SPATA17: variants seen among roughly 807,000 people sequenced by gnomAD.
The protein encoded by SPATA17 is spermatogenesis-associated protein 17.
A neutral mutation model predicts 62.2 loss-of-function variants in SPATA17; 53 were observed. The ratio of observed to expected loss-of-function variants is 0.85; its 90% CI spans 0.68 to 1.07. SPATA17 has a LOEUF of 1.07. SPATA17 is among the 50% of genes least tolerant of loss of function. The pLI is 0.00. For synonymous variants in SPATA17, 146 were observed against 146.8 expected (o/e 0.99, Z 0.04); for missense variants, 466 against 425.5 (o/e 1.10, Z -0.84).
chr1:217,699,917 G>T lies in SPATA17; in HGVS notation c.395+16556G>T, dbSNP rs542871461. Reference sequence around the variant, plus strand: ...TTGTTCTAGCACCATTCTTTGAAGAGGCTATCTTTCCTTCATTGAATTGCT... The same window carrying T: ...TTGTTCTAGCACCATTCTTTGAAGATGCTATCTTTCCTTCATTGAATTGCT... On this transcript the variant is annotated intron_variant, in intron 5 of 10. Coordinates refer to ENST00000366933, the MANE Select transcript of SPATA17 (RefSeq NM_138796.4). Among the ~76,000 whole-genome samples, 94 of 152,186 alleles carry T rather than the reference G, an allele frequency of 6.2e-4. 1 individual carries two copies. The highest frequency in any genetic ancestry group is 2.0e-3 in the African/African-American group (82 of 41,532).
chr1:217,790,338 T>C (rs1291261248), intron 8 of SPATA17, among the ~76,000 whole-genome samples: 5 of 152,242 alleles, frequency 3.3e-5, no homozygotes, highest in African/African-American at 9.6e-5. Context: ...TTGAAGGGAC[T>C]CGGGATTTTC....
chr1:217,706,359 C>A (rs796431550), intron 5 of SPATA17, among the ~76,000 whole-genome samples: 1 of 152,122 alleles, frequency 6.6e-6, no homozygotes, highest in South Asian at 2.1e-4. Flanking sequence ...GTGTCCACAC[C>A]CAAATCTTAT....
At chr1:217,737,087 A>G (rs1230823809) in intron 5 of SPATA17, among the ~76,000 whole-genome samples, 1 of 152,214 alleles carries the variant, frequency 6.6e-6, no homozygotes, top group Admixed American at 6.5e-5. Flanking sequence ...ACATGAGTAT[A>G]GTATTGTGGT....
chr1:217,859,450 C>T (rs931185807), intron 9 of SPATA17, among the ~76,000 whole-genome samples: 1 of 151,794 alleles, frequency 6.6e-6, no homozygotes, highest in Non-Finnish European at 1.5e-5. Context: ...CTCTGTCATC[C>T]ATCCTGGAGT....
At chr1:217,801,892 A>T (rs759405473) in intron 9 of SPATA17, 42 bp downstream of exon 9, 1 of 1,539,534 alleles carries the variant, frequency 6.5e-7, no homozygotes, top group East Asian at 2.3e-5. Context: ...CCTTTTTAAA[A>T]GCTAGAAATA....
At chr1:217,736,969 C>T (rs1405101433) in intron 5 of SPATA17, among the ~76,000 whole-genome samples, 1 of 152,100 alleles carries the variant, frequency 6.6e-6, no homozygotes, top group Admixed American at 6.6e-5. Context: ...TAAAACAGAG[C>T]AGCTTCTTCC....
chr1:217,843,031 T>C (rs1675446176), intron 9 of SPATA17, among the ~76,000 whole-genome samples: 1 of 152,072 alleles, frequency 6.6e-6, no homozygotes, highest in Admixed American at 6.6e-5. Flanking sequence ...ATTTCCCAGT[T>C]ATATTTTTAT....
chr1:217,667,697 T>C (rs1269573332), intron 3 of SPATA17, among the ~76,000 whole-genome samples: 1 of 152,210 alleles, frequency 6.6e-6, no homozygotes, highest in African/African-American at 2.4e-5. Flanking sequence ...ACCCAAACTC[T>C]TGGAAATATA....
chr1:217,834,777 T>C (rs1441526936), intron 9 of SPATA17, among the ~76,000 whole-genome samples: 1 of 152,074 alleles, frequency 6.6e-6, no homozygotes, highest in Non-Finnish European at 1.5e-5. Context: ...GTAGTCTAAG[T>C]GTACAGTGTT....
intron 8 of SPATA17, among the ~76,000 whole-genome samples, chr1:217,783,182 G>A (rs11117931): frequency 0.77 from 115,026 of 150,348 alleles, 44,398 homozygotes; most frequent in Non-Finnish European, 0.81. Context: ...TAATTTATAT[G>A]ATAATTATAA....
At chr1:217,747,242 C>G (rs906530942) in intron 6 of SPATA17, among the ~76,000 whole-genome samples, 3 of 152,096 alleles carry the variant, frequency 2.0e-5, no homozygotes, top group Non-Finnish European at 4.4e-5. Flanking sequence ...CAAACTAAAT[C>G]TAACACATAT....
rs147927781 is a variant in SPATA17, at chr1:217,829,176, A to T, written c.1005+27326A>T. ...TGCAGCATTATTCACAATAGCCAAGATATGGAAACAACCTAAATGTTCATC... is the reference window on the plus strand; with the variant it reads ...TGCAGCATTATTCACAATAGCCAAGTTATGGAAACAACCTAAATGTTCATC... On this transcript the variant is annotated intron_variant, in intron 9 of 10. Transcript: ENST00000366933. Among the ~76,000 whole-genome samples the T allele has an allele frequency of 2.2e-3, 337 of 152,292 alleles. 2 individuals are homozygous for T. Among genetic ancestry groups the T allele is most frequent in the African/African-American group, 6.7e-3 (279 of 41,552 alleles).
intron 7 of SPATA17, among the ~76,000 whole-genome samples, chr1:217,778,883 A>C (rs1373773203): frequency 6.6e-6 from 1 of 152,132 alleles, no homozygotes; most frequent in Non-Finnish European, 1.5e-5. Context: ...TTCTCAATAC[A>C]ACCTCTGTAC....
At chr1:217,666,468 G>T (rs575838369) in intron 3 of SPATA17, among the ~76,000 whole-genome samples, 1 of 151,208 alleles carries the variant, frequency 6.6e-6, no homozygotes, top group African/African-American at 2.4e-5. Flanking sequence ...ACAAAAGTTT[G>T]AAGTGTTTAT....
chr1:217,640,749 A>T (rs1288083826), intron 1 of SPATA17, among the ~76,000 whole-genome samples: 7 of 152,168 alleles, frequency 4.6e-5, no homozygotes. Flanking sequence ...CATTTTATAC[A>T]TAATGACATG....
At chr1:217,659,440 A>C (rs1339266545) in intron 3 of SPATA17, among the ~76,000 whole-genome samples, 1 of 152,100 alleles carries the variant, frequency 6.6e-6, no homozygotes, top group Non-Finnish European at 1.5e-5. Context: ...ACTTTTATAA[A>C]ATAATTTTAT....
At chr1:217,866,644 T>G (rs1389046201) in intron 10 of SPATA17, 1 of 151,992 alleles carries the variant, frequency 6.6e-6, no homozygotes, top group Non-Finnish European at 1.5e-5. Flanking sequence ...AATTTTTTTG[T>G]AAAAATGGGA....
chr1:217,865,430 A>T (rs1162966596), intron 10 of SPATA17, among the ~76,000 whole-genome samples: 1 of 152,314 alleles, frequency 6.6e-6, no homozygotes, highest in East Asian at 1.9e-4. Context: ...TAATGCTCTA[A>T]GATTTAAACC....
chr1:217,824,070 G>T (rs1273507752), intron 9 of SPATA17, among the ~76,000 whole-genome samples: 1 of 151,916 alleles, frequency 6.6e-6, no homozygotes, highest in East Asian at 1.9e-4. Flanking sequence ...AATCCATTCA[G>T]CCACTCTGTG....
Sources: gnomAD v4.1 joint callset for allele counts (sites outside exome capture counted in the v4.1 genomes callset) on GRCh38, gnomAD v4.1.1 for gene constraint, MANE v1.5 for transcripts, NCBI Gene and HGNC (gene_info 2026-07-23, HGNC 2026-07-21) for gene names.